The following CUX1 variants were observed in gnomAD, a reference collection of about 807,000 sequenced individuals.
The protein encoded by CUX1 is cut like homeobox 1.
Under a neutral mutation model 158.8 loss-of-function variants are expected in CUX1, and 31 were observed. The ratio of observed to expected loss-of-function variants is 0.20; its 90% CI spans 0.15 to 0.26. The LOEUF (loss-of-function observed/expected upper bound fraction) is 0.26, where lower values mean the gene tolerates loss of function less well. CUX1 is among the 10% of genes least tolerant of loss of function. The pLI is 1.00. For synonymous variants in CUX1, 879 were observed against 862.1 expected (o/e 1.02, Z -0.34); for missense variants, 1,589 against 2,014.6 (o/e 0.79, Z 4.04).
At chr7:101,987,317 A>G (rs12537526) in intron 2 of CUX1, among the ~76,000 whole-genome samples, 25,892 of 152,112 alleles carry the variant, frequency 0.17, 2,458 homozygotes, top group Middle Eastern at 0.22. Flanking sequence ...TCCCCAAGCT[A>G]CGGGAAAGGG....
intron 2 of CUX1, among the ~76,000 whole-genome samples, chr7:101,953,557 G>A (rs757852427): frequency 1.8e-4 from 27 of 152,236 alleles, no homozygotes; most frequent in Non-Finnish European, 3.1e-4. Context: ...AATGCGAAGA[G>A]TGGCCTCTCC....
At chr7:101,978,001 C>T (rs994618597) in intron 2 of CUX1, among the ~76,000 whole-genome samples, 1 of 151,622 alleles carries the variant, frequency 6.6e-6, no homozygotes, top group Admixed American at 6.6e-5. Flanking sequence ...GAGATACAGG[C>T]TCTCCTGGTT....
chr7:102,176,407 C>T (rs1280093369), intron 10 of CUX1, among the ~76,000 whole-genome samples: 1 of 152,104 alleles, frequency 6.6e-6, no homozygotes, highest in East Asian at 1.9e-4. Context: ...AGGACAGTGG[C>T]TTTCTGTGTT....
intron 2 of CUX1, among the ~76,000 whole-genome samples, chr7:102,022,138 T>C (rs1486013024): frequency 6.6e-6 from 1 of 152,146 alleles, no homozygotes; most frequent in African/African-American, 2.4e-5. Context: ...GGAGTGTGTG[T>C]GTTACGACTC....
At chr7:102,074,423 C>T (rs780180913) in intron 4 of CUX1, among the ~76,000 whole-genome samples, 8 of 152,092 alleles carry the variant, frequency 5.3e-5, no homozygotes, top group Admixed American at 2.0e-4. Flanking sequence ...GGCACCTGAC[C>T]GCACCAGCTC....
chr7:102,204,935 C>T (rs1459357315), intron 19 of CUX1, among the ~76,000 whole-genome samples, 179 bp from the exon 20 acceptor site: 2 of 152,248 alleles, frequency 1.3e-5, no homozygotes, highest in African/African-American at 4.8e-5. Flanking sequence ...AACCTTTCAC[C>T]TGCTCCCGGC....
chr7:101,837,852 A>AAAT (rs1794793245), intron 1 of CUX1, among the ~76,000 whole-genome samples: 1 of 150,814 alleles, frequency 6.6e-6, no homozygotes, highest in Non-Finnish European at 1.5e-5. Context: ...AAAAAAAAAA[A>AAAT]AAAAAAGGAT....
chr7:101,997,106 G>A (rs539060104), intron 2 of CUX1, among the ~76,000 whole-genome samples: 1 of 152,232 alleles, frequency 6.6e-6, no homozygotes, highest in Non-Finnish European at 1.5e-5. Context: ...CAGGGGAGCA[G>A]CCCCAAACAC....
At chr7:102,199,006 AAGGCACGGGTTC>A in intron 16 of CUX1, 139 bp downstream of exon 16, 1 of 760,752 alleles carries the variant, frequency 1.3e-6, no homozygotes, top group Admixed American at 2.1e-5. Context: ...AGTATAAAAC[AAGGCACGGGTTC>A]AAGCACACCC....
chr7:102,022,127 G>A (rs146213221), intron 2 of CUX1, among the ~76,000 whole-genome samples: 136 of 152,224 alleles, frequency 8.9e-4, no homozygotes, highest in African/African-American at 3.1e-3. Flanking sequence ...GAGAGGGCTC[G>A]GGAGTGTGTG....
chr7:101,966,786 C>T (rs551050887), intron 2 of CUX1, among the ~76,000 whole-genome samples: 20 of 152,224 alleles, frequency 1.3e-4, no homozygotes, highest in Non-Finnish European at 2.1e-4. Flanking sequence ...CCAAAATACA[C>T]GTGGGACTTC....
At chr7:101,913,150 T>C in intron 1 of CUX1, 1 of 250,670 alleles carries the variant, frequency 4.0e-6, no homozygotes, top group Admixed American at 5.1e-5. Context: ...GTGTGTTGTT[T>C]TTTAAAAAAA....
intron 2 of CUX1, among the ~76,000 whole-genome samples, chr7:101,940,798 G>C (rs1053688259): frequency 6.6e-6 from 1 of 152,112 alleles, no homozygotes; most frequent in African/African-American, 2.4e-5. Flanking sequence ...TGTTCACTGA[G>C]GGATTCCAGA....
chr7:102,028,205 AT>A lies in CUX1; in HGVS notation c.189+62del, dbSNP rs1363838917. ...CCCTTCGTGGCTAATTGGTCTTTTTATTCACATTAAAGAAATGCTCCGGGCA... is the reference window on the plus strand; with the variant it reads ...CCCTTCGTGGCTAATTGGTCTTTTTATCACATTAAAGAAATGCTCCGGGCA... On this transcript the variant is annotated intron_variant, in intron 3 of 23. Coordinates refer to ENST00000292535, the MANE Select transcript of CUX1 (RefSeq NM_181552.4). 634 of 1,560,164 alleles carry A rather than the reference AT, an allele frequency of 4.1e-4. 1 individual carries two copies. Among genetic ancestry groups the A allele is most frequent in the Non-Finnish European group, 1.9e-4 (212 of 1,132,378 alleles).
chr7:101,985,210 A>AC, intron 2 of CUX1, among the ~76,000 whole-genome samples: 1 of 152,176 alleles, frequency 6.6e-6, no homozygotes, highest in African/African-American at 2.4e-5. Flanking sequence ...ATGTGTATAC[A>AC]CGCTATAGTC....
At chr7:101,864,794 A>G (rs372233415) in intron 1 of CUX1, among the ~76,000 whole-genome samples, 7 of 151,074 alleles carry the variant, frequency 4.6e-5, no homozygotes, top group African/African-American at 1.7e-4. Flanking sequence ...CAGGTGATCC[A>G]CCTGCCTTGG....
intron 1 of CUX1, among the ~76,000 whole-genome samples, chr7:101,854,872 G>C (rs111783407): frequency 0.01 from 1,577 of 152,314 alleles, 31 homozygotes; most frequent in African/African-American, 0.036. Context: ...AGCCTCCCAA[G>C]TAGCTGGGAC....
chr7:101,831,297 T>C (rs1793976487), intron 1 of CUX1, among the ~76,000 whole-genome samples: 1 of 149,910 alleles, frequency 6.7e-6, no homozygotes, highest in South Asian at 2.1e-4. Flanking sequence ...CTGACATTCT[T>C]TTTTTTTTTT....
Position 102,239,410 on chromosome 7 carries a change from C to T in CUX1, c.3713C>T (p.Pro1238Leu). 4 of 1,613,742 alleles carry T rather than the reference C, an allele frequency of 2.5e-6. No individual in the cohort carries two copies. The highest frequency in any genetic ancestry group is 2.5e-6 in the Non-Finnish European group (3 of 1,179,958). The change falls in exon 23 of 24, where the codon CCC (proline) becomes CTC (leucine). Residue 1238 changes from proline to leucine, a missense_variant. Transcript: ENST00000292535. ...ACCGAGTACAGCCAGGGCGCCAGCC[C>T]CCAGCCCCAGCACCAGCTGAAGAAA... ...VGTEYSQGAS[P>L]QPQHQLKKPR...
Sources: allele counts gnomAD v4.1 joint callset (sites outside exome capture counted in the v4.1 genomes callset), GRCh38; gene constraint gnomAD v4.1.1; transcripts MANE v1.5; gene names NCBI Gene and HGNC (gene_info 2026-07-23, HGNC 2026-07-21).